The following MYH4 variants were observed in gnomAD, a reference collection of about 807,000 sequenced individuals.
MYH4 encodes myosin heavy chain 4, also known as myosin-4.
In MYH4, 200 loss-of-function variants were observed where a neutral mutation model predicts 229.9. The ratio of observed to expected loss-of-function variants is 0.87; its 90% CI spans 0.78 to 0.98. MYH4 has a LOEUF of 0.98. Ranked by LOEUF, MYH4 falls within the 50% of genes least tolerant of loss-of-function variation. The pLI is 0.00. For synonymous variants in MYH4, 761 were observed against 834.6 expected (o/e 0.91, Z 1.52); for missense variants, 2,148 against 2,332.6 (o/e 0.92, Z 1.63).
chr17:10,449,599 T>A lies in MYH4; in HGVS notation c.4182-552A>T, dbSNP rs2072550129. On this transcript the variant is annotated intron_variant, in intron 30 of 39. Transcript: ENST00000255381. ...AGTAGTATCTTTAAGCATTTTCTAG[T>A]ATGGTTCTGTTTATTTTGCAAATGA... 2.6e-5 allele frequency among the ~76,000 whole-genome samples: 4 copies of A among 152,184 alleles called. No individual in the cohort carries two copies. The South Asian group carries it at 8.3e-4, about 32-fold the overall frequency.
chr17:10,464,638 C>T (rs745776448), intron 6 of MYH4, 43 bp downstream of exon 6: 1 of 1,613,298 alleles, frequency 6.2e-7, no homozygotes, highest in South Asian at 1.1e-5. Flanking sequence ...GTAGTAGCCA[C>T]TACAATGATC....
chr17:10,448,575 G>A (rs1567698965), intron 32 of MYH4, 43 bp downstream of exon 32: 4 of 1,610,314 alleles, frequency 2.5e-6, no homozygotes, highest in Admixed American at 3.4e-5. Context: ...TTGAAAAGAT[G>A]TCTCCCTACC....
In MYH4 at chr17:10,448,085, T is replaced by C; in HGVS notation, c.4698A>G (p.Gln1566=). 1 of 1,613,878 alleles carries C rather than the reference T, an allele frequency of 6.2e-7. No homozygotes were observed. Among genetic ancestry groups the C allele is most frequent in the Non-Finnish European group, 8.5e-7 (1 of 1,179,942 alleles). ...CAGATTTCACCTGATTTAGCTCAAGTTGAATGCGAAGAATTTTGCCTTCTT... is the reference window on the plus strand; with the variant it reads ...CAGATTTCACCTGATTTAGCTCAAGCTGAATGCGAAGAATTTTGCCTTCTT... ...EHEEGKILRI[Q]LELNQVKSEI... Residue 1566 remains glutamine (Q), a synonymous_variant, in exon 34 of 40, where the codon CAA becomes CAG. Coordinates refer to ENST00000255381, the MANE Select transcript of MYH4 (RefSeq NM_017533.2).
chr17:10,447,375 C>A (rs568045804), intron 34 of MYH4, among the ~76,000 whole-genome samples, 159 bp from the exon 35 acceptor site: 3 of 152,258 alleles, frequency 2.0e-5, no homozygotes, highest in African/African-American at 7.2e-5. Flanking sequence ...CTGAGGGTTG[C>A]AGTTCTACTC....
At chr17:10,469,459 G>A (rs1373489564) in intron 1 of MYH4, 78 bp downstream of exon 1, 1 of 152,136 alleles carries the variant, frequency 6.6e-6, no homozygotes, top group Non-Finnish European at 1.5e-5. Flanking sequence ...TAAAATTTGG[G>A]AAGCAGTAGA....
chr17:10,453,114 T>G, intron 24 of MYH4, 38 bp downstream of exon 24: 1 of 1,613,000 alleles, frequency 6.2e-7, no homozygotes, highest in Non-Finnish European at 8.5e-7. Flanking sequence ...AATTGTTTAT[T>G]TCATTGCAAG....
At position 10,464,686 on chromosome 17, in the gene MYH4, C is replaced by G. The variant is rs1162828183; in HGVS notation, c.528G>C (p.Leu176Phe). The G allele has an allele frequency of 1.9e-6, 3 of 1,613,790 alleles. No homozygotes were observed. Among genetic ancestry groups the G allele is most frequent in the Non-Finnish European group, 2.5e-6 (3 of 1,179,760 alleles). The change falls in exon 6 of 40, where the codon TTG becomes TTC. Residue 176 changes from leucine to phenylalanine, a missense_variant. Physicochemically the swap from Leu to Phe is conservative, Grantham distance 22 (BLOSUM62 0). Transcript: ENST00000255381. ...AAGTAACGAAATCTACATACGTAAT[C>G]AAGATTGACTGGTTTTCACGATCTG... Reference protein sequence around the residue: ...MLTDRENQSILITGESGAGKT... With the variant: ...MLTDRENQSIFITGESGAGKT...
At chr17:10,458,855 T>C (rs543419971) in intron 15 of MYH4, among the ~76,000 whole-genome samples, 1 of 152,316 alleles carries the variant, frequency 6.6e-6, no homozygotes, top group South Asian at 2.1e-4. Flanking sequence ...TAAGACGTGT[T>C]GACATAGCCT....
intron 15 of MYH4, among the ~76,000 whole-genome samples, chr17:10,458,926 G>T (rs1469948965): frequency 1.3e-5 from 2 of 152,154 alleles, no homozygotes; most frequent in Non-Finnish European, 2.9e-5. Context: ...GTACACCAGG[G>T]TTAATTACAC....
At chr17:10,445,921 G>T (rs62058132) in intron 35 of MYH4, among the ~76,000 whole-genome samples, 53,904 of 150,580 alleles carry the variant, frequency 0.36, 10,739 homozygotes, top group East Asian at 0.82. Context: ...CCAGCTACTC[G>T]GGAGGCTGAG....
rs1197966840 is a variant in MYH4 at position 10,463,370 on chromosome 17, G to A, written c.773C>T (p.Thr258Ile). The change falls in exon 9 of 40, where the codon ACA (threonine) becomes ATA (isoleucine). Residue 258 changes from threonine (T) to isoleucine (I), a missense_variant. Thr to Ile is a moderately conservative substitution (Grantham distance 89). Coordinates refer to ENST00000255381, the MANE Select transcript of MYH4 (RefSeq NM_017533.2). ...GKFIRIHFGA[T>I]GKLASADIET... ...AATATCTGCAGAAGCCAGTTTGCCT[G>A]TGGCACCAAAATGGATCCTGATGAA... The A allele has an allele frequency of 6.2e-7, 1 of 1,612,904 alleles. No individual in the cohort carries two copies. Among genetic ancestry groups the A allele is most frequent in the African/African-American group, 1.3e-5 (1 of 74,880 alleles).
chr17:10,448,003 G>T lies in MYH4; in HGVS notation c.4780C>A (p.His1594Asn), dbSNP rs1348789739. 1.9e-6 allele frequency: 3 copies of T among 1,613,964 alleles called. No individual in the cohort carries two copies. The highest frequency in any genetic ancestry group is 1.7e-5 in the Admixed American group (1 of 59,996). ...DEELDQLKRN[H>N]LRVVESMQST... ...TGCATTGACTCCACAACTCTGAGAT[G>T]GTTCCTCTTTAGCTGATCGAGTTCT... The change falls in exon 34 of 40, where the codon CAT becomes AAT. Residue 1594 changes from histidine to asparagine, a missense_variant. By Grantham distance (68) the His-to-Asn change is moderately conservative. Coordinates refer to ENST00000255381, the MANE Select transcript of MYH4 (RefSeq NM_017533.2).
chr17:10,463,668 C>G, intron 7 of MYH4, 25 bp from the exon 8 acceptor site: 1 of 1,546,502 alleles, frequency 6.5e-7, no homozygotes, highest in Non-Finnish European at 8.8e-7. Context: ...ATAAGACAGA[C>G]AAAGAAAAAA....
intron 34 of MYH4, among the ~76,000 whole-genome samples, chr17:10,447,586 C>G (rs535468593): frequency 5.3e-5 from 8 of 152,306 alleles, no homozygotes; most frequent in African/African-American, 1.9e-4. Context: ...ATCACTTCCT[C>G]TATCTCCCTA....
intron 19 of MYH4, 44 bp downstream of exon 19, chr17:10,455,570 G>T: frequency 6.2e-7 from 1 of 1,605,346 alleles, no homozygotes; most frequent in Non-Finnish European, 8.5e-7. Flanking sequence ...TAGTGATTTT[G>T]TGTAGACTAA....
At position 10,453,172 on chromosome 17, in the gene MYH4, G is replaced by A. The variant is rs140849469; in HGVS notation, c.3091C>T (p.Leu1031=). The A allele has an allele frequency of 9.3e-6, 15 of 1,613,930 alleles. No individual in the cohort carries two copies. In the African/African-American group the frequency reaches 1.9e-4, roughly 20 times the overall value. The change falls in exon 24 of 40, where the codon CTA becomes TTA. Residue 1031 remains leucine (L), a synonymous_variant. Coordinates refer to ENST00000255381, the MANE Select transcript of MYH4 (RefSeq NM_017533.2). Reference sequence around the variant, plus strand: ...CTTACATCGTCCACTTGCTGTTCTAGCTTGGTTTTAGCTTTGGTCAGGGTG... The same window carrying A: ...CTTACATCGTCCACTTGCTGTTCTAACTTGGTTTTAGCTTTGGTCAGGGTG... The part of the protein sequence containing the change: ...VNTLTKAKTK[L]EQQVDDLEGS...
Position 10,444,842 on chromosome 17 carries a change from T to C in MYH4, c.5524A>G (p.Lys1842Glu), listed in dbSNP as rs1401496099. ...CTTCTCTCATGTTTGCGAAGACCCT[T>C]GACAGCCTCAACATTGTGCTTCTGT... ...SEQKHNVEAVKGLRKHERRVK... is the reference protein window; with the variant it reads ...SEQKHNVEAVEGLRKHERRVK... Residue 1842 changes from lysine (K) to glutamate (E), a missense_variant, in exon 38 of 40, where the codon AAG becomes GAG. By Grantham distance (56) the Lys-to-Glu change is moderately conservative (BLOSUM62 1). Coordinates refer to ENST00000255381, the MANE Select transcript of MYH4 (RefSeq NM_017533.2). The C allele has an allele frequency of 3.1e-6, 5 of 1,614,032 alleles. No individual in the cohort carries two copies. The African/African-American group carries it at 6.7e-5, about 22-fold the overall frequency.
rs1404073425 is a variant in MYH4 at position 10,443,354 on chromosome 17, A to AT, written c.*20dup. 1.9e-6 allele frequency: 3 copies of AT among 1,612,116 alleles called. No individual in the cohort carries two copies. The highest frequency in any genetic ancestry group is 2.5e-6 in the Non-Finnish European group (3 of 1,179,242). On this transcript the variant is annotated 3_prime_UTR_variant, in exon 40 of 40. Transcript: ENST00000255381. This position sits in a 1 kb window ranked among gnomAD's most constrained non-coding sequence, Gnocchi z 4.6. ...ACATTTCGTGCATTTCTTTGGTCAC[A>AT]TTTTCTTTCATTAGAATGAATTACT...
chr17:10,452,657 T>C, intron 25 of MYH4, 130 bp downstream of exon 25: 1 of 1,283,442 alleles, frequency 7.8e-7, no homozygotes, highest in East Asian at 2.4e-5. Flanking sequence ...TTTAATTAAA[T>C]AAAAAGGTCA....
Sources: allele counts gnomAD v4.1 joint callset (sites outside exome capture counted in the v4.1 genomes callset), GRCh38; gene constraint gnomAD v4.1.1; non-coding constraint Gnocchi (gnomAD v3.1); transcripts MANE v1.5; gene names NCBI Gene and HGNC (gene_info 2026-07-23, HGNC 2026-07-21).